Variants in ACSF3 observed in about 807,000 individuals in gnomAD.
ACSF3 encodes malonate--CoA ligase ACSF3, mitochondrial.
In ACSF3, 78 loss-of-function variants were observed where a neutral mutation model predicts 53.2. The ratio of observed to expected loss-of-function variants is 1.47; its 90% CI spans 1.22 to 1.77. ACSF3 has a LOEUF of 1.77. Ranked by LOEUF, ACSF3 falls within the 40% of genes most tolerant of loss-of-function variation. ACSF3 has a pLI of 0.00. For missense variants in ACSF3, 937 were observed against 771.1 expected, an observed-to-expected ratio of 1.22 and a Z score of -2.55; for synonymous variants, 414 against 333.1, an observed-to-expected ratio of 1.24 and a Z score of -2.65.
Position 89,154,316 on chromosome 16 carries a change from C to G in ACSF3, c.*109C>G, listed in dbSNP as rs769648459. Reference sequence around the variant, plus strand: ...TGGCCTCCCTTAAACCTGAACCCCCCAAATCAGGTCACGTAGAATCAAGAA... The same window carrying G: ...TGGCCTCCCTTAAACCTGAACCCCCGAAATCAGGTCACGTAGAATCAAGAA... On this transcript the variant is annotated 3_prime_UTR_variant, in exon 11 of 11. Transcript: ENST00000614302. The G allele has an allele frequency of 4.0e-6, 4 of 989,178 alleles. No individual in the cohort carries two copies. In the East Asian group the frequency reaches 1.0e-4, roughly 25 times the overall value. 61.3% of individuals were successfully genotyped at this position (989,178 alleles called of 1,614,324 possible).
intron 4 of ACSF3, among the ~76,000 whole-genome samples, chr16:89,107,486 C>T (rs1380442119): frequency 1.3e-5 from 2 of 152,234 alleles, no homozygotes; most frequent in Admixed American, 6.5e-5. Flanking sequence ...TTTTCCGTGC[C>T]TCAGTGTCAC....
At position 89,147,102 on chromosome 16, in the gene ACSF3, G is replaced by C. The variant is rs183121456; in HGVS notation, c.1613+1053G>C. On this transcript the variant is annotated intron_variant, in intron 10 of 10. Coordinates refer to ENST00000614302, the MANE Select transcript of ACSF3 (RefSeq NM_001243279.3). ...ATGGCAGAAGGCAAAGGGGAAACAGGCACATCCTACATGGCCGGAGCAGGA... is the reference window on the plus strand; with the variant it reads ...ATGGCAGAAGGCAAAGGGGAAACAGCCACATCCTACATGGCCGGAGCAGGA... Among the ~76,000 whole-genome samples the C allele has an allele frequency of 8.4e-4, 127 of 151,514 alleles. 2 individuals carry two copies. The highest frequency in any genetic ancestry group is 5.7e-3 in the Admixed American group (86 of 15,204).
intron 2 of ACSF3, among the ~76,000 whole-genome samples, 187 bp from the exon 3 acceptor site, chr16:89,100,475 C>G (rs1454935393): frequency 6.6e-6 from 1 of 152,238 alleles, no homozygotes; most frequent in East Asian, 1.9e-4. Context: ...AGATGCTGGG[C>G]ACGTACGGAA....
intron 8 of ACSF3, among the ~76,000 whole-genome samples, chr16:89,138,819 C>G (rs2151541284): frequency 6.6e-6 from 1 of 152,352 alleles, no homozygotes; most frequent in East Asian, 1.9e-4. Context: ...GCCTGGGTTC[C>G]CTAGAAAACA....
chr16:89,121,416 C>A (rs183394835), intron 7 of ACSF3, among the ~76,000 whole-genome samples: 8 of 152,326 alleles, frequency 5.3e-5, no homozygotes, highest in Non-Finnish European at 1.2e-4. Context: ...GTGCAGTGCT[C>A]TGTGGCTGCC....
At chr16:89,115,534 G>T (rs763511569) in intron 6 of ACSF3, among the ~76,000 whole-genome samples, 1 of 152,230 alleles carries the variant, frequency 6.6e-6, no homozygotes, top group Non-Finnish European at 1.5e-5. Context: ...GTGTGGGTGC[G>T]GCACCGCTTG....
At chr16:89,112,851 GTC>G (rs1214051491) in intron 5 of ACSF3, among the ~76,000 whole-genome samples, 1 of 152,218 alleles carries the variant, frequency 6.6e-6, no homozygotes, top group Non-Finnish European at 1.5e-5. Flanking sequence ...CTCCTATGCA[GTC>G]TCTCTGCCTT....
At chr16:89,130,644 G>C (rs987227373) in intron 7 of ACSF3, among the ~76,000 whole-genome samples, 1 of 152,136 alleles carries the variant, frequency 6.6e-6, no homozygotes, top group East Asian at 1.9e-4. Flanking sequence ...AAATCAGTGG[G>C]CGCAGGAACC....
intron 1 of ACSF3, among the ~76,000 whole-genome samples, chr16:89,094,558 C>A (rs1424765034): frequency 2.0e-5 from 3 of 152,130 alleles, no homozygotes; most frequent in African/African-American, 7.2e-5. Context: ...GGGGTGAGGC[C>A]CGGTGCAGTC....
At chr16:89,115,713 C>T (rs559458897) in intron 6 of ACSF3, among the ~76,000 whole-genome samples, 9 of 152,338 alleles carry the variant, frequency 5.9e-5, no homozygotes, top group African/African-American at 2.2e-4. Context: ...CCCCTTCCCC[C>T]TGCAATGGGT....
At chr16:89,104,732 C>T (rs754792421) in intron 4 of ACSF3, among the ~76,000 whole-genome samples, 2 of 152,222 alleles carry the variant, frequency 1.3e-5, no homozygotes, top group Non-Finnish European at 2.9e-5. Flanking sequence ...CCTTCAGTCT[C>T]ATCCCCGGAA....
At position 89,102,643 on chromosome 16, in the gene ACSF3, G is replaced by T; in HGVS notation, c.706G>T (p.Asp236Tyr). ...LVHKWAWTKD[D>Y]VILHVLPLHH... The stretch of plus-strand genomic sequence containing the variant: ...CCACAAGTGGGCATGGACCAAAGAC[G>T]ACGTGATCCTCCACGTGCTCCCGCT... The change falls in exon 4 of 11, where the codon GAC becomes TAC. Residue 236 changes from aspartate (D) to tyrosine (Y), a missense_variant. Physicochemically the swap from Asp to Tyr is radical, Grantham distance 160 (BLOSUM62 -3). Transcript: ENST00000614302. 1.9e-6 allele frequency: 3 copies of T among 1,613,858 alleles called. No individual in the cohort carries two copies. The highest frequency in any genetic ancestry group is 2.5e-6 in the Non-Finnish European group (3 of 1,180,020).
rs1163581146 is a variant in ACSF3 at position 89,155,043 on chromosome 16, T to C, written c.*836T>C. 1 of 453,972 alleles carries C rather than the reference T, an allele frequency of 2.2e-6. No homozygotes were observed. Among genetic ancestry groups the C allele is most frequent in the Admixed American group, 2.3e-5 (1 of 42,564 alleles). The allele number at this position is 453,972 out of a possible 1,614,324, so 28.1% of individuals were successfully genotyped here. On this transcript the variant is annotated 3_prime_UTR_variant, in exon 11 of 11. Transcript: ENST00000614302. The stretch of plus-strand genomic sequence containing the variant: ...TCACCAGCTTTTCCCCAGACCCAGC[T>C]CCGGAGCCCACAGGCGTGGCCGATG...
Position 89,155,217 on chromosome 16 carries a change from C to A in ACSF3, c.*1010C>A, listed in dbSNP as rs1310309071. 2.2e-6 allele frequency: 1 copy of A among 454,142 alleles called. No individual in the cohort carries two copies. The highest frequency in any genetic ancestry group is 4.4e-6 in the Non-Finnish European group (1 of 226,798). The allele number at this position is 454,142 out of a possible 1,614,324, so 28.1% of individuals were successfully genotyped here. ...AGAATAGGCTGCCTCCTCCCCACAG[C>A]CTGGGGGAAGTAACAGTCATCGCCC... On this transcript the variant is annotated 3_prime_UTR_variant, in exon 11 of 11. Transcript: ENST00000614302.
At position 89,155,527 on chromosome 16, in the gene ACSF3, C is replaced by T. The variant is rs1240567805; in HGVS notation, c.*1320C>T. The T allele has an allele frequency of 4.4e-6, 2 of 454,034 alleles. No homozygotes were observed. The highest frequency in any genetic ancestry group is 8.8e-6 in the Non-Finnish European group (2 of 226,802). The allele number at this position is 454,034 out of a possible 1,614,324, so 28.1% of individuals were successfully genotyped here. The stretch of plus-strand genomic sequence containing the variant: ...CTGGTGGGTGCCCCAGTCCACGGCC[C>T]TGCCCCACCCGAACTCCTGCCTCAC... On this transcript the variant is annotated 3_prime_UTR_variant, in exon 11 of 11. Coordinates refer to ENST00000614302, the MANE Select transcript of ACSF3 (RefSeq NM_001243279.3).
At chr16:89,121,098 C>T (rs1418760925) in intron 7 of ACSF3, among the ~76,000 whole-genome samples, 185 bp downstream of exon 7, 1 of 152,238 alleles carries the variant, frequency 6.6e-6, no homozygotes, top group Non-Finnish European at 1.5e-5. Flanking sequence ...GCCCTGCCTG[C>T]TGCGTGTCCG....
intron 7 of ACSF3, among the ~76,000 whole-genome samples, chr16:89,126,080 A>T (rs12931140): frequency 3.6e-4 from 53 of 145,858 alleles, no homozygotes; most frequent in African/African-American, 1.3e-3. Flanking sequence ...TACTTAGATC[A>T]GTGAACATGG....
intron 7 of ACSF3, 71 bp downstream of exon 7, chr16:89,120,984 G>A: frequency 7.3e-7 from 1 of 1,371,554 alleles, no homozygotes. Flanking sequence ...GGTTACACTG[G>A]TGCATCTTTC....
At chr16:89,129,584 A>G (rs1908864257) in intron 7 of ACSF3, among the ~76,000 whole-genome samples, 1 of 152,146 alleles carries the variant, frequency 6.6e-6, no homozygotes, top group African/African-American at 2.4e-5. Context: ...AAGCTTTGTA[A>G]TTGGTATGTT....
Sources: allele counts gnomAD v4.1 joint callset (sites outside exome capture counted in the v4.1 genomes callset), GRCh38; gene constraint gnomAD v4.1.1; transcripts MANE v1.5; gene names NCBI Gene and HGNC (gene_info 2026-07-23, HGNC 2026-07-21).